The following CAST variants were observed in gnomAD, a reference collection of about 807,000 sequenced individuals.
CAST encodes MIR583 host.
In CAST, 76 loss-of-function variants were observed where a neutral mutation model predicts 119.6. That is an observed-to-expected ratio of 0.64 (90% CI 0.53 to 0.77). The LOEUF (loss-of-function observed/expected upper bound fraction) is 0.77, where lower values mean the gene tolerates loss of function less well. Ranked by LOEUF, CAST falls within the 30% of genes least tolerant of loss-of-function variation. CAST has a pLI of 0.00. For missense variants in CAST, 953 were observed against 946.5 expected (o/e 1.01, Z -0.09); for synonymous variants, 319 against 331.6 (o/e 0.96, Z 0.41).
the CAST span, among the ~76,000 whole-genome samples, chr5:96,038,843 T>C: frequency 2.8e-4 from 42 of 152,188 alleles, no homozygotes; most frequent in Admixed American, 9.8e-4. Flanking sequence ...AGTGTGCACA[T>C]GTCTTTGTCA....
chr5:96,017,012 A>AT, the CAST span, among the ~76,000 whole-genome samples: 2 of 151,556 alleles, frequency 1.3e-5, no homozygotes, highest in Non-Finnish European at 2.9e-5. Context: ...AATTTTTTGT[A>AT]TTTTTAGTAG....
chr5:95,966,428 A>C, the CAST span, among the ~76,000 whole-genome samples: 1 of 152,146 alleles, frequency 6.6e-6, no homozygotes, highest in Non-Finnish European at 1.5e-5. Context: ...CTGAAAGGAC[A>C]CTGGACTTGG....
the CAST span, among the ~76,000 whole-genome samples, chr5:95,977,674 G>A: frequency 2.0e-5 from 3 of 151,884 alleles, no homozygotes; most frequent in Non-Finnish European, 4.4e-5. Flanking sequence ...TTTAAGTTCA[G>A]GGGTACATGT....
At chr5:96,313,158 GT>G in the CAST span, among the ~76,000 whole-genome samples, 1 of 151,974 alleles carries the variant, frequency 6.6e-6, no homozygotes, top group Non-Finnish European at 1.5e-5. Context: ...TTCAACTCAA[GT>G]TTTTTTCTGT....
chr5:96,486,536 G>A, the CAST span, among the ~76,000 whole-genome samples: 1 of 152,098 alleles, frequency 6.6e-6, no homozygotes, highest in Non-Finnish European at 1.5e-5. Flanking sequence ...GTTATCCTTA[G>A]AACACTAAGG....
chr5:96,209,100 T>C, the CAST span, among the ~76,000 whole-genome samples: 1 of 152,150 alleles, frequency 6.6e-6, no homozygotes, highest in Admixed American at 6.6e-5. Context: ...CTGATATTTG[T>C]TGGTTTAAAG....
the CAST span, among the ~76,000 whole-genome samples, chr5:96,334,231 G>A: frequency 6.6e-6 from 1 of 152,176 alleles, no homozygotes; most frequent in Non-Finnish European, 1.5e-5. Context: ...CTGCTCTCCA[G>A]AGGCAGTCAG....
At chr5:96,389,559 A>T in the CAST span, among the ~76,000 whole-genome samples, 9 of 152,194 alleles carry the variant, frequency 5.9e-5, no homozygotes, top group Non-Finnish European at 1.3e-4. Context: ...GAGAAAGGTC[A>T]GATTCTGAGA....
At chr5:96,660,076 A>G (rs115298093), upstream of CAST, among the ~76,000 whole-genome samples, 1,286 of 152,336 alleles carry the variant, frequency 8.4e-3, 16 homozygotes, top group African/African-American at 0.029. Flanking sequence ...TATATCATGT[A>G]TTAGTGTAGC....
chr5:96,303,187 A>G, the CAST span, among the ~76,000 whole-genome samples: 1 of 152,198 alleles, frequency 6.6e-6, no homozygotes, highest in South Asian at 2.1e-4. Context: ...GGGAAGTCTT[A>G]CACACTTTTA....
the CAST span, among the ~76,000 whole-genome samples, chr5:96,226,539 C>T: frequency 6.6e-6 from 1 of 152,014 alleles, no homozygotes; most frequent in Admixed American, 6.6e-5. Flanking sequence ...TGCCTGTAGT[C>T]CCAGCTACTC....
chr5:96,694,106 A>G (rs1753017027), intron 2 of CAST, among the ~76,000 whole-genome samples: 1 of 152,212 alleles, frequency 6.6e-6, no homozygotes, highest in African/African-American at 2.4e-5. Context: ...CTTCCATGGC[A>G]TGCATTTTCA....
At chr5:96,203,121 C>CA in the CAST span, among the ~76,000 whole-genome samples, 1 of 151,128 alleles carries the variant, frequency 6.6e-6, no homozygotes, top group Admixed American at 6.6e-5. Flanking sequence ...GTTTGATTTA[C>CA]AAAAAAAGAT....
At chr5:96,577,638 G>A (rs374185369) in intron 1 of CAST, among the ~76,000 whole-genome samples, 23 of 152,004 alleles carry the variant, frequency 1.5e-4, no homozygotes, top group South Asian at 2.1e-4. Context: ...CCTGTTTGAC[G>A]TATGAAATAT....
chr5:96,120,865 G>C, the CAST span, among the ~76,000 whole-genome samples: 1 of 151,308 alleles, frequency 6.6e-6, no homozygotes, highest in Admixed American at 6.6e-5. Context: ...ATTTTCACTG[G>C]CTTTTCCCTG....
chr5:96,216,423 T>C, the CAST span, among the ~76,000 whole-genome samples: 2 of 152,118 alleles, frequency 1.3e-5, no homozygotes, highest in Non-Finnish European at 2.9e-5. Flanking sequence ...ACACCAAGAG[T>C]TGAAAAGTGG....
chr5:96,334,549 C>T, the CAST span, among the ~76,000 whole-genome samples: 3 of 152,200 alleles, frequency 2.0e-5, no homozygotes, highest in Non-Finnish European at 4.4e-5. Flanking sequence ...CTTTCTGCCA[C>T]TGGCCCCTTT....
the CAST span, among the ~76,000 whole-genome samples, chr5:96,395,424 T>C: frequency 6.6e-6 from 1 of 152,268 alleles, no homozygotes; most frequent in Non-Finnish European, 1.5e-5. Flanking sequence ...CCCTTAAAAA[T>C]TGTGTGGCAC....
intron 5 of CAST, 45 bp from the exon 6 acceptor site, chr5:96,727,440 ATCTT>A (rs1561531015): frequency 5.0e-6 from 5 of 1,002,614 alleles, no homozygotes; most frequent in African/African-American, 3.3e-5. Flanking sequence ...AACTATGTCT[ATCTT>A]TCTTTTCTTC....
Sources: allele counts gnomAD v4.1 joint callset (sites outside exome capture counted in the v4.1 genomes callset), GRCh38; gene constraint gnomAD v4.1.1; transcripts MANE v1.5; gene names NCBI Gene and HGNC (gene_info 2026-07-23, HGNC 2026-07-21).